The following HACL2 variants were observed in gnomAD, a reference collection of about 807,000 sequenced individuals.
HACL2 encodes the protein 2-hydroxyacyl-CoA lyase 2.
At chr19:15,115,931 A>T in the HACL2 span, 2 of 1,614,104 alleles carry the variant, frequency 1.2e-6, no homozygotes, top group Non-Finnish European at 1.7e-6. Flanking sequence ...CCTAGTCGGG[A>T]GGGGACCCAG....
At chr19:15,123,200 G>A in the HACL2 span, 1 of 1,613,954 alleles carries the variant, frequency 6.2e-7, no homozygotes, top group Non-Finnish European at 8.5e-7. The surrounding 1 kb of genome is among the most constrained non-coding windows in gnomAD (Gnocchi z 5.1). Flanking sequence ...TCACCGTGTT[G>A]GTGAGGCCAG....
At chr19:15,117,293 G>A in the HACL2 span, 1 of 153,732 alleles carries the variant, frequency 6.5e-6, no homozygotes, top group Admixed American at 6.5e-5. Flanking sequence ...TCTGTCCTGA[G>A]GGCAGTGGGC....
At chr19:15,123,082 C>A in the HACL2 span, 6 of 1,611,900 alleles carry the variant, frequency 3.7e-6, no homozygotes, top group East Asian at 2.2e-5. The surrounding 1 kb of genome is among the most constrained non-coding windows in gnomAD (Gnocchi z 5.1). Flanking sequence ...TTCAAGCCCC[C>A]CTAGGCCCCC....
At chr19:15,116,827 A>C in the HACL2 span, 1 of 383,024 alleles carries the variant, frequency 2.6e-6, no homozygotes. Flanking sequence ...GAAACACTCA[A>C]TGAAAAGAGC....
At chr19:15,122,867 C>T in the HACL2 span, 13 of 1,612,486 alleles carry the variant, frequency 8.1e-6, no homozygotes, top group East Asian at 2.9e-4. The surrounding 1 kb of genome is among the most constrained non-coding windows in gnomAD (Gnocchi z 4.0). Context: ...CCCAGCACTG[C>T]TCAGCATCAC....
chr19:15,119,004 T>C, the HACL2 span, among the ~76,000 whole-genome samples: 1 of 152,242 alleles, frequency 6.6e-6, no homozygotes, highest in Non-Finnish European at 1.5e-5. Flanking sequence ...AGCTATCTGA[T>C]ACACCTATTA....
At chr19:15,124,903 C>A in the HACL2 span, 4 of 1,590,986 alleles carry the variant, frequency 2.5e-6, no homozygotes, top group Non-Finnish European at 3.4e-6. Flanking sequence ...CCCCAGCCCA[C>A]CTCCCATTCT....
At chr19:15,116,035 G>A in the HACL2 span, 1 of 1,614,024 alleles carries the variant, frequency 6.2e-7, no homozygotes. Flanking sequence ...GGCCCCAAGT[G>A]CAAATCCTGC....
At chr19:15,115,597 G>A in the HACL2 span, 1 of 1,613,838 alleles carries the variant, frequency 6.2e-7, no homozygotes, top group East Asian at 2.2e-5. Flanking sequence ...CCACGTTGCT[G>A]CCCAGAGAGG....
chr19:15,119,216 C>G, the HACL2 span: 1 of 1,606,526 alleles, frequency 6.2e-7, no homozygotes, highest in Non-Finnish European at 8.5e-7. Flanking sequence ...GCGGTTCTCC[C>G]GGATGTGGAG....
chr19:15,123,005 TC>T, the HACL2 span: 1 of 1,603,570 alleles, frequency 6.2e-7, no homozygotes, highest in Non-Finnish European at 8.5e-7. This position sits in a 1 kb window ranked among gnomAD's most constrained non-coding sequence, Gnocchi z 5.1. Context: ...GGACAGCTGA[TC>T]AACAGCCTGG....
the HACL2 span, chr19:15,125,380 CTACT>C: frequency 5.5e-5 from 18 of 329,776 alleles, no homozygotes; most frequent in African/African-American, 3.9e-4. Flanking sequence ...TTCCACTTAC[CTACT>C]TGTCAATGGA....
chr19:15,123,108 C>T, the HACL2 span: 893 of 1,613,460 alleles, frequency 5.5e-4, no homozygotes, highest in Middle Eastern at 1.3e-3. This position sits in a 1 kb window ranked among gnomAD's most constrained non-coding sequence, Gnocchi z 5.1. Flanking sequence ...CCCCCAAGGA[C>T]TGGGTACCTG....
the HACL2 span, chr19:15,118,162 C>A: frequency 1.0e-6 from 1 of 966,566 alleles, no homozygotes; most frequent in East Asian, 2.6e-5. Flanking sequence ...TTGCAGCTCC[C>A]CACACCCCCT....
the HACL2 span, chr19:15,115,140 G>A: frequency 8.1e-7 from 1 of 1,240,270 alleles, no homozygotes. Flanking sequence ...GGGAGGTTGT[G>A]GAGTCACTGG....
chr19:15,115,256 A>G, the HACL2 span: 26 of 1,613,972 alleles, frequency 1.6e-5, no homozygotes, highest in African/African-American at 4.0e-5. Context: ...AAGGCCCTAT[A>G]CAGCAATGGA....
At chr19:15,119,436 G>C in the HACL2 span, 1 of 1,614,196 alleles carries the variant, frequency 6.2e-7, no homozygotes, top group Non-Finnish European at 8.5e-7. Flanking sequence ...GTCGGCAGAC[G>C]TTGGGGTGAG....
At chr19:15,122,500 C>T in the HACL2 span, among the ~76,000 whole-genome samples, 1 of 152,104 alleles carries the variant, frequency 6.6e-6, no homozygotes, top group Non-Finnish European at 1.5e-5. The surrounding 1 kb of genome is among the most constrained non-coding windows in gnomAD (Gnocchi z 4.0). Context: ...CGAGGGCCGC[C>T]TTGCTTTCCC....
the HACL2 span, chr19:15,123,003 G>T: frequency 6.2e-7 from 1 of 1,603,550 alleles, no homozygotes; most frequent in African/African-American, 1.3e-5. The surrounding 1 kb of genome is among the most constrained non-coding windows in gnomAD (Gnocchi z 5.1). Context: ...AGGGACAGCT[G>T]ATCAACAGCC....
Sources: gnomAD v4.1 joint callset for allele counts (sites outside exome capture counted in the v4.1 genomes callset) on GRCh38, gnomAD v4.1.1 for gene constraint, Gnocchi (gnomAD v3.1) non-coding constraint, MANE v1.5 for transcripts, NCBI Gene and HGNC (gene_info 2026-07-23, HGNC 2026-07-21) for gene names.